Variants in CDK14 observed in about 807,000 individuals in gnomAD.
The protein encoded by CDK14 is cyclin dependent kinase 14.
A neutral mutation model predicts 60.7 loss-of-function variants in CDK14; 34 were observed. The ratio of observed to expected loss-of-function variants is 0.56; its 90% confidence interval spans 0.43 to 0.75. The LOEUF (loss-of-function observed/expected upper bound fraction) is 0.75, where lower values mean the gene tolerates loss of function less well. Among genes scored for constraint, CDK14 ranks in the 30% least tolerant of loss-of-function variants. The pLI, the probability that CDK14 is intolerant of heterozygous loss-of-function variation, is 0.00. For missense variants in CDK14, 482 were observed against 564.1 expected (o/e 0.85, Z 1.47); for synonymous variants, 197 against 203.7 (o/e 0.97, Z 0.28).
rs988912733 is a variant in CDK14 at position 90,875,998 on chromosome 7, A to G, written c.639+12729A>G. On this transcript the variant is annotated intron_variant, in intron 6 of 14. Transcript: ENST00000380050. Reference sequence around the variant, plus strand: ...ATAGCCTTTGTGAAGTTTTTCTAATAGTAAAACTATGTTTCCACCAAGTTG... The same window carrying G: ...ATAGCCTTTGTGAAGTTTTTCTAATGGTAAAACTATGTTTCCACCAAGTTG... Among the ~76,000 whole-genome samples, 6 of 152,192 alleles carry G rather than the reference A, an allele frequency of 3.9e-5. 1 individual carries two copies. Among genetic ancestry groups the G allele is most frequent in the Admixed American group, 3.9e-4 (6 of 15,282 alleles).
chr7:90,684,968 G>A (rs1376641594), intron 2 of CDK14, among the ~76,000 whole-genome samples: 1 of 148,428 alleles, frequency 6.7e-6, no homozygotes, highest in African/African-American at 2.5e-5. Context: ...TTTTAAATAT[G>A]TATATGTTTT....
At chr7:90,867,835 T>C (rs1791237701) in intron 6 of CDK14, among the ~76,000 whole-genome samples, 1 of 152,004 alleles carries the variant, frequency 6.6e-6, no homozygotes. Flanking sequence ...ATCAGAAATA[T>C]AAAAGCAAGG....
At chr7:90,868,308 C>T (rs1202329909) in intron 6 of CDK14, among the ~76,000 whole-genome samples, 1 of 150,474 alleles carries the variant, frequency 6.6e-6, no homozygotes, top group Non-Finnish European at 1.5e-5. Context: ...TATATACACA[C>T]ACACACACAT....
chr7:90,707,517 A>G (rs1801925090), intron 2 of CDK14, among the ~76,000 whole-genome samples: 1 of 151,952 alleles, frequency 6.6e-6, no homozygotes, highest in Admixed American at 6.6e-5. Flanking sequence ...TCATCCAGCC[A>G]CTCTTCTGCC....
At chr7:90,950,284 C>G (rs1794218425) in intron 8 of CDK14, among the ~76,000 whole-genome samples, 10 of 152,164 alleles carry the variant, frequency 6.6e-5, no homozygotes, top group South Asian at 6.2e-4. Flanking sequence ...CCATGTTGGC[C>G]AGGCTGGTCT....
intron 2 of CDK14, among the ~76,000 whole-genome samples, chr7:90,695,037 C>T (rs1160216915): frequency 6.6e-6 from 1 of 152,014 alleles, no homozygotes; most frequent in East Asian, 1.9e-4. Flanking sequence ...TTGCTGTTTC[C>T]CTGCTTATGA....
At chr7:90,787,336 GA>G (rs1225141101) in intron 4 of CDK14, among the ~76,000 whole-genome samples, 1 of 24,728 alleles carries the variant, frequency 4.0e-5, no homozygotes, top group Non-Finnish European at 7.2e-5. Flanking sequence ...AATTCTTAAG[GA>G]ATATAAAAAC....
intron 5 of CDK14, among the ~76,000 whole-genome samples, chr7:90,802,137 G>A (rs16867984): frequency 0.015 from 2,297 of 152,204 alleles, 50 homozygotes; most frequent in African/African-American, 0.051. Context: ...CAATATCGCT[G>A]TTTGGAATTG....
At chr7:90,794,938 C>A (rs767792522) in intron 5 of CDK14, among the ~76,000 whole-genome samples, 3 of 152,154 alleles carry the variant, frequency 2.0e-5, no homozygotes, top group Non-Finnish European at 4.4e-5. Context: ...TCCATGAAAT[C>A]TTCACAATTT....
intron 12 of CDK14, among the ~76,000 whole-genome samples, chr7:91,088,435 A>G (rs1028448798): frequency 5.3e-5 from 8 of 152,202 alleles, no homozygotes; most frequent in African/African-American, 1.9e-4. Context: ...CCTGAAACAC[A>G]CACATACACA....
chr7:91,046,293 A>G (rs1420322031), intron 11 of CDK14, among the ~76,000 whole-genome samples: 3 of 152,190 alleles, frequency 2.0e-5, no homozygotes, highest in Non-Finnish European at 4.4e-5. Context: ...CATCTGTGTC[A>G]CTTCTTGTAG....
intron 7 of CDK14, among the ~76,000 whole-genome samples, chr7:90,913,547 A>G (rs1359201285): frequency 2.0e-5 from 3 of 152,242 alleles, no homozygotes; most frequent in African/African-American, 7.2e-5. Flanking sequence ...ATAGATGTTT[A>G]TATATTCTTA....
At chr7:91,145,954 A>ATTTATTTT (rs1562923952) in intron 14 of CDK14, among the ~76,000 whole-genome samples, 321 of 127,810 alleles carry the variant, frequency 2.5e-3, no homozygotes, top group African/African-American at 7.9e-3. Context: ...TTATTTATTT[A>ATTTATTTT]TTTTTTATGT....
intron 9 of CDK14, among the ~76,000 whole-genome samples, chr7:90,959,090 G>A (rs374832863): frequency 3.9e-5 from 6 of 152,184 alleles, no homozygotes; most frequent in African/African-American, 1.4e-4. Context: ...AGATAGCTTG[G>A]ACACTTTCTG....
intron 10 of CDK14, among the ~76,000 whole-genome samples, chr7:90,997,233 T>G (rs1286093877): frequency 6.6e-6 from 1 of 152,106 alleles, no homozygotes; most frequent in Non-Finnish European, 1.5e-5. Context: ...GATTTGAGAG[T>G]AGAGGTAAGA....
At chr7:90,742,859 A>G (rs1332335189) in intron 3 of CDK14, among the ~76,000 whole-genome samples, 4 of 152,070 alleles carry the variant, frequency 2.6e-5, no homozygotes, top group Non-Finnish European at 4.4e-5. Flanking sequence ...TTAAGATACA[A>G]AGATTCAGTA....
chr7:90,902,263 C>A (rs1792531916), intron 7 of CDK14, among the ~76,000 whole-genome samples: 1 of 151,954 alleles, frequency 6.6e-6, no homozygotes, highest in Admixed American at 6.6e-5. Context: ...TATATGGAAC[C>A]ACAAAAGAAC....
chr7:90,754,739 A>C (rs1427173484), intron 4 of CDK14, among the ~76,000 whole-genome samples: 1 of 152,178 alleles, frequency 6.6e-6, no homozygotes, highest in Non-Finnish European at 1.5e-5. Flanking sequence ...GATATCTAGA[A>C]TCTCTGAGGA....
At chr7:90,946,178 A>C (rs1794094149) in intron 8 of CDK14, among the ~76,000 whole-genome samples, 1 of 152,222 alleles carries the variant, frequency 6.6e-6, no homozygotes, top group Non-Finnish European at 1.5e-5. Context: ...GCCTGAATGA[A>C]AGCTCTGTGA....
Sources: allele counts gnomAD v4.1 joint callset (sites outside exome capture counted in the v4.1 genomes callset), GRCh38; gene constraint gnomAD v4.1.1; transcripts MANE v1.5; gene names NCBI Gene and HGNC (gene_info 2026-07-23, HGNC 2026-07-21).